TLCD3B: variants seen among roughly 807,000 people sequenced by gnomAD.
The protein encoded by TLCD3B is TLC domain containing 3B.
A neutral mutation model predicts 23.0 loss-of-function variants in TLCD3B; 9 were observed. That is an observed-to-expected ratio of 0.39 (90% CI 0.24 to 0.68). The LOEUF (loss-of-function observed/expected upper bound fraction) is 0.68, where lower values mean the gene tolerates loss of function less well. Among genes scored for constraint, TLCD3B ranks in the 30% least tolerant of loss-of-function variants. The probability of loss-of-function intolerance (pLI) is 0.44; values close to 1 mark genes in which losing one functional copy is unlikely to be tolerated. For missense variants in TLCD3B, 307 were observed against 371.8 expected (o/e 0.83, Z 1.43); for synonymous variants, 161 against 161.0 (o/e 1.00, Z 0.00).
chr16:30,026,789 G>A lies in TLCD3B; in HGVS notation c.264C>T (p.Asp88=), dbSNP rs752008997. ...AGTGACAGAGGAACATGGCGTAGAT[G>A]TCGTAGATGAAGTAGGGCACAGCAA... The part of the protein sequence containing the change: ...TQFAVPYFIY[D]IYAMFLCHWH... Residue 88 remains aspartate (D), a synonymous_variant, in exon 3 of 5, where the codon GAC becomes GAT. Transcript: ENST00000380495. 1.1e-5 allele frequency: 18 copies of A among 1,614,058 alleles called. No individual in the cohort carries two copies. In the East Asian group the frequency reaches 1.6e-4, roughly 14 times the overall value.
chr16:30,036,509 G>T, intron 3 of TLCD3B: 1 of 999,654 alleles, frequency 1.0e-6, no homozygotes, highest in Non-Finnish European at 1.3e-6. Context: ...ACCTTCTCGG[G>T]ATAAAAGGAA....
chr16:30,028,766 GCAC>G (rs2071254381), intron 2 of TLCD3B, among the ~76,000 whole-genome samples: 1 of 152,150 alleles, frequency 6.6e-6, no homozygotes, highest in Non-Finnish European at 1.5e-5. Context: ...GGCGTTGTGG[GCAC>G]CTCTAAGGCA....
intron 1 of TLCD3B, among the ~76,000 whole-genome samples, chr16:30,048,951 A>G (rs1022665191): frequency 2.0e-5 from 3 of 152,036 alleles, no homozygotes; most frequent in African/African-American, 7.2e-5. Flanking sequence ...TTGTATTTTT[A>G]GTAGAGATGG....
At chr16:30,027,670 T>A in intron 2 of TLCD3B, 1 of 455,700 alleles carries the variant, frequency 2.2e-6, no homozygotes, top group African/African-American at 2.0e-5. Context: ...TTCCATGTAC[T>A]TGGAGAGTAA....
At chr16:30,035,274 A>ACTC, upstream of TLCD3B, 1 of 1,268,498 alleles carries the variant, frequency 7.9e-7, no homozygotes, top group Non-Finnish European at 1.0e-6. Context: ...CTTTCACCAC[A>ACTC]AACTCATTCT....
At chr16:30,042,979 A>G (rs942374834) in intron 2 of TLCD3B, among the ~76,000 whole-genome samples, 14 of 152,086 alleles carry the variant, frequency 9.2e-5, no homozygotes, top group African/African-American at 2.9e-4. Flanking sequence ...ACACGCCTGT[A>G]ATCCCAGCTA....
chr16:30,043,146 G>A (rs543271068), intron 2 of TLCD3B, among the ~76,000 whole-genome samples: 19 of 152,060 alleles, frequency 1.2e-4, no homozygotes, highest in Non-Finnish European at 1.8e-4. Flanking sequence ...CTAGACATCC[G>A]GCAGCAATCT....
chr16:30,045,843 C>T (rs1171998053), intron 2 of TLCD3B, among the ~76,000 whole-genome samples: 1 of 151,618 alleles, frequency 6.6e-6, no homozygotes, highest in Non-Finnish European at 1.5e-5. Context: ...GTGTTCAGGA[C>T]ATCCCAGCAG....
intron 1 of TLCD3B, among the ~76,000 whole-genome samples, chr16:30,048,195 G>A (rs1332439054): frequency 6.6e-6 from 1 of 151,134 alleles, no homozygotes; most frequent in East Asian, 1.9e-4. Flanking sequence ...AAAACTCCTG[G>A]GCTCAAGAGA....
chr16:30,025,907 C>G lies in TLCD3B; in HGVS notation c.445-86G>C. On this transcript the variant is annotated intron_variant, in intron 3 of 4. Coordinates refer to ENST00000380495, the MANE Select transcript of TLCD3B (RefSeq NM_031478.6). This position sits in a 1 kb window ranked among gnomAD's most constrained non-coding sequence, Gnocchi z 4.1. ...CGCCCTTCCTCTTTCCCCTCTGTCA[C>G]TTTGGGAGATGCTTGACTCTGAACA... 9.6e-7 allele frequency: 1 copy of G among 1,045,276 alleles called. No homozygotes were observed. The allele number at this position is 1,045,276 out of a possible 1,614,324, so 64.8% of individuals were successfully genotyped here.
At chr16:30,041,818 C>G (rs576826594) in intron 2 of TLCD3B, among the ~76,000 whole-genome samples, 2 of 151,800 alleles carry the variant, frequency 1.3e-5, no homozygotes, top group East Asian at 1.9e-4. Context: ...TGCACCCACA[C>G]GTTGAATGGA....
intron 1 of TLCD3B, among the ~76,000 whole-genome samples, chr16:30,049,746 G>A (rs767910894): frequency 5.3e-5 from 8 of 152,050 alleles, no homozygotes; most frequent in Non-Finnish European, 1.2e-4. Context: ...CCAACATGGT[G>A]AAACCCTGTC....
At chr16:30,034,219 A>G (rs1274613953), upstream of TLCD3B, among the ~76,000 whole-genome samples, 5 of 151,652 alleles carry the variant, frequency 3.3e-5, no homozygotes, top group Admixed American at 2.6e-4. Context: ...TCAAGGCTGC[A>G]GTGAATCATG....
intron 1 of TLCD3B, among the ~76,000 whole-genome samples, chr16:30,052,178 G>A (rs567878971): frequency 6.6e-6 from 1 of 152,166 alleles, no homozygotes; most frequent in South Asian, 2.1e-4. Context: ...GACCAGCCTG[G>A]CCAACATGGT....
At chr16:30,050,109 G>A (rs1010244151) in intron 1 of TLCD3B, among the ~76,000 whole-genome samples, 3 of 152,160 alleles carry the variant, frequency 2.0e-5, no homozygotes, top group Admixed American at 6.6e-5. Flanking sequence ...TGCAGGCCAC[G>A]GACGTGTCCA....
chr16:30,042,448 TCCTGA>T (rs2071593625), intron 2 of TLCD3B, among the ~76,000 whole-genome samples: 1 of 152,082 alleles, frequency 6.6e-6, no homozygotes, highest in Non-Finnish European at 1.5e-5. Context: ...GGTCTCAAAC[TCCTGA>T]CCTCAAGTGA....
chr16:30,050,541 CA>C (rs1292996955), intron 1 of TLCD3B, among the ~76,000 whole-genome samples: 2 of 151,018 alleles, frequency 1.3e-5, no homozygotes, highest in Non-Finnish European at 3.0e-5. Context: ...GACTCTGTCT[CA>C]AAAAAAACAA....
chr16:30,048,399 C>T (rs2071704930), intron 1 of TLCD3B, among the ~76,000 whole-genome samples: 1 of 152,074 alleles, frequency 6.6e-6, no homozygotes, highest in African/African-American at 2.4e-5. Flanking sequence ...AGGCATGAAC[C>T]ACTGCACCTG....
upstream of TLCD3B, chr16:30,035,381 T>C (rs1185963267): frequency 1.6e-6 from 2 of 1,289,614 alleles, no homozygotes; most frequent in Middle Eastern, 2.1e-4. Context: ...CTCTTGTCTC[T>C]CCATCTGCAG....
Sources: allele counts gnomAD v4.1 joint callset (sites outside exome capture counted in the v4.1 genomes callset), GRCh38; gene constraint gnomAD v4.1.1; non-coding constraint Gnocchi (gnomAD v3.1); transcripts MANE v1.5; gene names NCBI Gene and HGNC (gene_info 2026-07-23, HGNC 2026-07-21).